CAPRIN2: variants seen among roughly 807,000 people sequenced by gnomAD.
CAPRIN2 encodes caprin family member 2, also known as caprin-2.
In CAPRIN2, 66 loss-of-function variants were observed where a neutral mutation model predicts 130.4. That is an observed-to-expected ratio of 0.51 (90% CI 0.42 to 0.62). CAPRIN2 has a LOEUF of 0.62. Among genes scored for constraint, CAPRIN2 ranks in the 20% least tolerant of loss-of-function variants. CAPRIN2 has a pLI of 0.00. For missense variants in CAPRIN2, 1,185 were observed against 1,246.6 expected, an observed-to-expected ratio of 0.95 and a Z score of 0.74; for synonymous variants, 471 against 444.1, an observed-to-expected ratio of 1.06 and a Z score of -0.76.
exon 14 of CAPRIN2, chr12:30,715,033 C>T (rs753412572): frequency 3.7e-6 from 6 of 1,613,884 alleles, no homozygotes; most frequent in Non-Finnish European, 4.2e-6. Context: ...AACAGATCCC[C>T]GGCTATTGAC....
intron 10 of CAPRIN2, among the ~76,000 whole-genome samples, chr12:30,723,662 A>C (rs1348342004): frequency 1.3e-5 from 2 of 152,028 alleles, no homozygotes; most frequent in Admixed American, 1.3e-4. Flanking sequence ...TGATAAACTT[A>C]ATTTTCACAA....
At chr12:30,748,068 T>TA (rs1266904019) in intron 2 of CAPRIN2, among the ~76,000 whole-genome samples, 2 of 152,234 alleles carry the variant, frequency 1.3e-5, no homozygotes, top group Admixed American at 1.3e-4. Flanking sequence ...TTTCTTGAGA[T>TA]AGACTCTACT....
intron 8 of CAPRIN2, among the ~76,000 whole-genome samples, chr12:30,726,947 A>G (rs2137568369): frequency 6.6e-6 from 1 of 152,290 alleles, no homozygotes; most frequent in South Asian, 2.1e-4. Flanking sequence ...ATACTATATT[A>G]CACATAGAAG....
chr12:30,730,426 AG>A, intron 6 of CAPRIN2, 144 bp from the exon 8 acceptor site: 1 of 634,686 alleles, frequency 1.6e-6, no homozygotes, highest in South Asian at 2.1e-5. Context: ...TGATGGCAAG[AG>A]GAATTATATT....
chr12:30,731,159 G>C (rs183061502), intron 6 of CAPRIN2, among the ~76,000 whole-genome samples, 184 bp downstream of exon 7: 2 of 151,984 alleles, frequency 1.3e-5, no homozygotes, highest in Non-Finnish European at 2.9e-5. Flanking sequence ...AGTTTCACTC[G>C]GTAAATCATG....
chr12:30,747,457 C>A (rs1407094275), intron 2 of CAPRIN2, among the ~76,000 whole-genome samples: 2 of 152,102 alleles, frequency 1.3e-5, no homozygotes, highest in African/African-American at 4.8e-5. Context: ...GCGGGCAGAT[C>A]ACCTGTGGTC....
chr12:30,740,983 A>T (rs759350842), intron 3 of CAPRIN2, 37 bp downstream of exon 4: 1 of 1,309,456 alleles, frequency 7.6e-7, no homozygotes, highest in Admixed American at 1.8e-5. Flanking sequence ...TCAGTGGTTA[A>T]AACTGGTTTC....
At chr12:30,750,033 CA>C (rs947777994) in intron 2 of CAPRIN2, among the ~76,000 whole-genome samples, 4 of 152,116 alleles carry the variant, frequency 2.6e-5, no homozygotes, top group African/African-American at 9.7e-5. Flanking sequence ...TATTTACACA[CA>C]AAAAAGTTTT....
At chr12:30,715,292 T>C in intron 13 of CAPRIN2, 151 bp from the exon 16 acceptor site, 3 of 664,360 alleles carry the variant, frequency 4.5e-6, no homozygotes, top group Non-Finnish European at 7.8e-6. Flanking sequence ...TTCATCTACA[T>C]GACTCAAATA....
chr12:30,709,897 G>A (rs1208271621), exon 17 of CAPRIN2: 1 of 1,601,178 alleles, frequency 6.2e-7, no homozygotes, highest in Non-Finnish European at 8.5e-7. Context: ...ATACTGTACT[G>A]ACTTTCAATC....
chr12:30,728,807 C>A, exon 8 of CAPRIN2: 13 of 1,614,140 alleles, frequency 8.1e-6, no homozygotes, highest in Non-Finnish European at 1.1e-5. Context: ...GAGTCTCTGG[C>A]TGTTTTGAAT....
intron 4 of CAPRIN2, among the ~76,000 whole-genome samples, chr12:30,734,749 T>A (rs1343403014): frequency 1.3e-5 from 2 of 152,064 alleles, no homozygotes; most frequent in African/African-American, 4.8e-5. Context: ...ACATTCACTT[T>A]CCTTCCAGAC....
At chr12:30,723,286 T>C (rs778408732) in exon 11 of CAPRIN2, 1 of 1,612,472 alleles carries the variant, frequency 6.2e-7, no homozygotes, top group Admixed American at 1.7e-5. Context: ...GAAAATCACT[T>C]TGACTGGACA....
intron 15 of CAPRIN2, 32 bp downstream of exon 17, chr12:30,713,753 A>G (rs1477443208): frequency 8.2e-7 from 1 of 1,213,000 alleles, no homozygotes; most frequent in Non-Finnish European, 1.2e-6. Context: ...CAACTGTACC[A>G]CTATTCAACT....
chr12:30,730,446 G>A (rs2062288592), intron 6 of CAPRIN2, among the ~76,000 whole-genome samples, 164 bp from the exon 8 acceptor site: 1 of 152,172 alleles, frequency 6.6e-6, no homozygotes, highest in African/African-American at 2.4e-5. Context: ...TTCCTTGTTA[G>A]TCCAAAGCAT....
chr12:30,751,117 T>C, exon 2 of CAPRIN2: 1 of 1,613,812 alleles, frequency 6.2e-7, no homozygotes, highest in Non-Finnish European at 8.5e-7. Flanking sequence ...GCGATCCTTA[T>C]AATCCTCCAG....
intron 2 of CAPRIN2, among the ~76,000 whole-genome samples, chr12:30,750,141 G>A (rs540858548): frequency 4.6e-5 from 7 of 152,268 alleles, no homozygotes; most frequent in African/African-American, 1.7e-4. Context: ...CTAAGTGAGC[G>A]CACCATTTGC....
intron 5 of CAPRIN2, 139 bp downstream of exon 6, chr12:30,733,490 T>C (rs1456839101): frequency 1.6e-6 from 1 of 636,334 alleles, no homozygotes; most frequent in East Asian, 2.7e-5. Flanking sequence ...AACAAAGGGA[T>C]CATTCTCCCA....
intron 13 of CAPRIN2, 56 bp downstream of exon 15, chr12:30,716,452 T>C: frequency 6.8e-7 from 1 of 1,479,596 alleles, no homozygotes; most frequent in Non-Finnish European, 9.4e-7. Context: ...AGACTTGCTG[T>C]CCATTCAATT....
Sources: gnomAD v4.1 joint callset for allele counts (sites outside exome capture counted in the v4.1 genomes callset) on GRCh38, gnomAD v4.1.1 for gene constraint, MANE v1.5 for transcripts, NCBI Gene and HGNC (gene_info 2026-07-23, HGNC 2026-07-21) for gene names.